The following DHX16 variants were observed in gnomAD, a reference collection of about 807,000 sequenced individuals.
DHX16 encodes pre-mRNA-splicing factor ATP-dependent RNA helicase DHX16.
Under a neutral mutation model 131.2 loss-of-function variants are expected in DHX16, and 81 were observed. The ratio of observed to expected loss-of-function variants is 0.62; its 90% CI spans 0.52 to 0.74. DHX16 has a LOEUF of 0.74. Ranked by LOEUF, DHX16 falls within the 30% of genes least tolerant of loss-of-function variation. DHX16 has a pLI of 0.00. For missense variants in DHX16, 980 were observed against 1,363.1 expected (o/e 0.72, Z 4.43); for synonymous variants, 440 against 520.2 (o/e 0.85, Z 2.10).
chr6:30,664,931 C>T lies in DHX16; in HGVS notation c.1187G>A (p.Arg396His). 8 of 1,613,768 alleles carry T rather than the reference C, an allele frequency of 5.0e-6. No individual in the cohort carries two copies. The highest frequency in any genetic ancestry group is 6.8e-6 in the Non-Finnish European group (8 of 1,180,018). The change falls in exon 7 of 20, where the codon CGC (arginine) becomes CAC (histidine). Residue 396 changes from arginine to histidine, a missense_variant. Arg to His is a conservative substitution (Grantham distance 29). This residue lies in a region of DHX16 where 457 missense variants were observed against 554.8 expected (regional missense o/e 0.82). Transcript: ENST00000376442. The part of the protein sequence containing the change: ...AQQKESIQAV[R>H]RSLPVFPFRE... ...AAATGGGAACACCGGGAGGCTGCGG[C>T]GGACGGCCTGGATGGACTCTTTCTG...
chr6:30,653,130 A>G lies in DHX16; in HGVS notation c.*112T>C, dbSNP rs1034235648. On this transcript the variant is annotated 3_prime_UTR_variant, in exon 20 of 20. Transcript: ENST00000376442. The stretch of plus-strand genomic sequence containing the variant: ...TAGAATTTCACATATCACTTTCTCT[A>G]GATCCCAAATGTTCCCACAAGCTTT... The G allele has an allele frequency of 1.5e-6, 2 of 1,339,124 alleles. No individual in the cohort carries two copies. The highest frequency in any genetic ancestry group is 4.9e-5 in the Admixed American group (2 of 40,870). 83.0% of individuals were successfully genotyped at this position (1,339,124 alleles called of 1,614,324 possible). A position where few individuals can be genotyped will look rare whatever the true frequency, so the allele number is the denominator to read the frequency against.
chr6:30,669,210 T>G (rs951084570), intron 4 of DHX16, among the ~76,000 whole-genome samples: 6 of 152,074 alleles, frequency 3.9e-5, no homozygotes, highest in African/African-American at 1.4e-4. Flanking sequence ...GATCACAAGG[T>G]CAAGAGATCA....
At position 30,665,824 on chromosome 6, in the gene DHX16, G is replaced by T; in HGVS notation, c.667-91C>A. ...CCTACAAGGGAAAAATCCCCTGACA[G>T]GCAGGCATGAGAACCTCAGGATGCA... On this transcript the variant is annotated intron_variant, in intron 4 of 19. Coordinates refer to ENST00000376442, the MANE Select transcript of DHX16 (RefSeq NM_003587.5). The surrounding 1 kb of genome is among the most constrained non-coding windows in gnomAD (Gnocchi z 4.8). The T allele has an allele frequency of 6.6e-7, 1 of 1,504,086 alleles. No individual in the cohort carries two copies. The highest frequency in any genetic ancestry group is 8.9e-7 in the Non-Finnish European group (1 of 1,127,470). The allele number at this position is 1,504,086 out of a possible 1,614,324, so 93.2% of individuals were successfully genotyped here. A position where few individuals can be genotyped will look rare whatever the true frequency, so the allele number is the denominator to read the frequency against.
At chr6:30,672,190 G>A (rs1441999919) in intron 1 of DHX16, among the ~76,000 whole-genome samples, 3 of 151,672 alleles carry the variant, frequency 2.0e-5, no homozygotes, top group African/African-American at 7.3e-5. Flanking sequence ...GTGGTGGCGC[G>A]CGCCCGTAGT....
chr6:30,654,145 CTA>C (rs1767732799), intron 19 of DHX16, among the ~76,000 whole-genome samples: 1 of 151,906 alleles, frequency 6.6e-6, no homozygotes, highest in South Asian at 2.1e-4. Flanking sequence ...AACATAAAGA[CTA>C]TACTCTGTGA....
intron 4 of DHX16, among the ~76,000 whole-genome samples, chr6:30,669,630 G>A (rs28705921): frequency 4.0e-5 from 6 of 150,168 alleles, no homozygotes; most frequent in Non-Finnish European, 5.9e-5. Context: ...GGTGGTGTGC[G>A]CCTGTAATCC....
At chr6:30,655,687 T>G in intron 16 of DHX16, 90 bp from the exon 17 acceptor site, 2 of 1,445,688 alleles carry the variant, frequency 1.4e-6, no homozygotes, top group Non-Finnish European at 1.9e-6. Flanking sequence ...GTGATGGATG[T>G]TTCCTCATGT....
intron 19 of DHX16, 110 bp from the exon 20 acceptor site, chr6:30,653,480 T>A: frequency 8.0e-7 from 1 of 1,252,692 alleles, no homozygotes; most frequent in Non-Finnish European, 1.1e-6. Flanking sequence ...TTGCCCAGGC[T>A]GGACTGCAGT....
chr6:30,672,454 C>A (rs1409894997), intron 1 of DHX16, among the ~76,000 whole-genome samples, 181 bp downstream of exon 1: 2 of 152,160 alleles, frequency 1.3e-5, no homozygotes, highest in African/African-American at 4.8e-5. Context: ...CTTAACCCGA[C>A]ACACCTAAGC....
At chr6:30,668,546 G>T (rs1769245349) in intron 4 of DHX16, among the ~76,000 whole-genome samples, 1 of 152,128 alleles carries the variant, frequency 6.6e-6, no homozygotes, top group African/African-American at 2.4e-5. Context: ...AGCTGCTCGG[G>T]AGGTTGAGGC....
chr6:30,654,810 G>C lies in DHX16; in HGVS notation c.2893C>G (p.Gln965Glu), dbSNP rs1343014410. ...TTGGGATGAATGAAGACTGTCTGCT[G>C]CTGTTTCACTGTGCGGTAGCCACTC... ...TRSGYRTVKQ[Q>E]QTVFIHPNSS... Residue 965 changes from glutamine to glutamate, a missense_variant, in exon 19 of 20, where the codon CAG becomes GAG. By Grantham distance (29) the Gln-to-Glu change is conservative. Coordinates refer to ENST00000376442, the MANE Select transcript of DHX16 (RefSeq NM_003587.5). 8 of 1,612,940 alleles carry C rather than the reference G, an allele frequency of 5.0e-6. No homozygotes were observed. The highest frequency in any genetic ancestry group is 4.4e-5 in the South Asian group (4 of 91,084).
intron 4 of DHX16, among the ~76,000 whole-genome samples, chr6:30,667,046 C>G (rs1769107282): frequency 6.6e-6 from 1 of 151,680 alleles, no homozygotes; most frequent in African/African-American, 2.4e-5. Flanking sequence ...TTATAAAATA[C>G]TGAAAAATAA....
At chr6:30,657,417 C>T (rs184953880) in intron 12 of DHX16, among the ~76,000 whole-genome samples, 1 of 151,882 alleles carries the variant, frequency 6.6e-6, no homozygotes, top group East Asian at 1.9e-4. Flanking sequence ...CACAACACTT[C>T]CTGTAAGAGC....
At position 30,660,038 on chromosome 6, in the gene DHX16, G is replaced by A. The variant is rs1197057879; in HGVS notation, c.1749C>T (p.Tyr583=). The change falls in exon 10 of 20, where the codon TAC becomes TAT. Residue 583 remains tyrosine, a synonymous_variant. Transcript: ENST00000376442. ...PGRRFPVDIF[Y]TKAPEADYLE... ...ATCCTCCCTGAGGGGGCACCTTGGT[G>A]TAGAAGATGTCCACAGGAAACCTGC... The A allele has an allele frequency of 6.2e-7, 1 of 1,612,670 alleles. No individual in the cohort carries two copies. The highest frequency in any genetic ancestry group is 8.5e-7 in the Non-Finnish European group (1 of 1,179,764).
rs750305662 is a variant in DHX16 at position 30,660,196 on chromosome 6, T to G, written c.1591A>C (p.Ile531Leu). ...ACATCCTTGATCAATCCAAAGAGAATGTCTGTGTGTAGGGTCCTTTCGTGT... is the reference window on the plus strand; with the variant it reads ...ACATCCTTGATCAATCCAAAGAGAAGGTCTGTGTGTAGGGTCCTTTCGTGT... ...EAHERTLHTD[I>L]LFGLIKDVAR... Residue 531 changes from isoleucine (I) to leucine (L), a missense_variant, in exon 10 of 20, where the codon ATT becomes CTT. Physicochemically the swap from Ile to Leu is conservative, Grantham distance 5. Coordinates refer to ENST00000376442, the MANE Select transcript of DHX16 (RefSeq NM_003587.5). 1 of 1,562,394 alleles carries G rather than the reference T, an allele frequency of 6.4e-7. No individual in the cohort carries two copies. The highest frequency in any genetic ancestry group is 8.7e-7 in the Non-Finnish European group (1 of 1,153,176).
Position 30,672,949 on chromosome 6 carries a change from C to A in DHX16, c.-108G>T. The A allele has an allele frequency of 6.4e-7, 1 of 1,557,298 alleles. No individual in the cohort carries two copies. Among genetic ancestry groups the A allele is most frequent in the South Asian group, 1.2e-5 (1 of 85,224 alleles). ...CGGCTGGAGCCTCAGCTTCGCAAGTCAGCTACCTTGGGACCTCTAGGATCT... is the reference window on the plus strand; with the variant it reads ...CGGCTGGAGCCTCAGCTTCGCAAGTAAGCTACCTTGGGACCTCTAGGATCT... On this transcript the variant is annotated 5_prime_UTR_variant, in exon 1 of 20. Transcript: ENST00000376442.
intron 1 of DHX16, among the ~76,000 whole-genome samples, chr6:30,672,173 G>A (rs552503192): frequency 6.6e-6 from 1 of 151,840 alleles, no homozygotes; most frequent in East Asian, 2.0e-4. Context: ...AAAGATATTA[G>A]CCGGGGGTGG....
chr6:30,659,661 A>C, intron 11 of DHX16, 37 bp from the exon 12 acceptor site: 1 of 1,613,554 alleles, frequency 6.2e-7, no homozygotes, highest in Non-Finnish European at 8.5e-7. Flanking sequence ...GGGGTCCCAG[A>C]GTCACAGAAG....
chr6:30,658,688 G>A (rs1488303785), intron 12 of DHX16, among the ~76,000 whole-genome samples: 2 of 151,916 alleles, frequency 1.3e-5, no homozygotes, highest in Non-Finnish European at 2.9e-5. Context: ...TCCAGCCTGG[G>A]CAACAGAGCG....
Sources: gnomAD v4.1 joint callset for allele counts (sites outside exome capture counted in the v4.1 genomes callset) on GRCh38, gnomAD v4.1.1 for gene constraint, gnomAD v4.1.1 regional missense constraint, Gnocchi (gnomAD v3.1) non-coding constraint, MANE v1.5 for transcripts, NCBI Gene and HGNC (gene_info 2026-07-23, HGNC 2026-07-21) for gene names.